PFDN4: variants seen among roughly 807,000 people sequenced by gnomAD.
The protein encoded by PFDN4 is prefoldin 4.
PFDN4 carries 6 observed loss-of-function variants against 17.6 expected under a neutral mutation model. The ratio of observed to expected loss-of-function variants is 0.34; its 90% CI spans 0.19 to 0.67. The LOEUF is 0.67. Among genes scored for constraint, PFDN4 ranks in the 30% least tolerant of loss-of-function variants. PFDN4 has a pLI of 0.68. For missense variants in PFDN4, 119 were observed against 158.4 expected (o/e 0.75, Z 1.33); for synonymous variants, 48 against 51.1 (o/e 0.94, Z 0.26).
At chr20:54,216,648 A>T (rs1369697379) in intron 3 of PFDN4, among the ~76,000 whole-genome samples, 2 of 149,540 alleles carry the variant, frequency 1.3e-5, no homozygotes, top group Admixed American at 1.3e-4. Context: ...ATTTTATTTT[A>T]TTTATTTATT....
Position 54,219,218 on chromosome 20 carries a change from C to T in PFDN4, c.*68C>T. 2.0e-6 allele frequency: 2 copies of T among 998,520 alleles called. No individual in the cohort carries two copies. Among genetic ancestry groups the T allele is most frequent in the East Asian group, 3.1e-5 (1 of 31,940 alleles). 61.9% of individuals were successfully genotyped at this position (998,520 alleles called of 1,614,324 possible). On this transcript the variant is annotated 3_prime_UTR_variant, in exon 4 of 4. Coordinates refer to ENST00000371419, the MANE Select transcript of PFDN4 (RefSeq NM_002623.4). ...ATTGTTTAAAATGATAATTTTCCTTCTTCAAATGACATGGAAAGCAAAACT... is the reference window on the plus strand; with the variant it reads ...ATTGTTTAAAATGATAATTTTCCTTTTTCAAATGACATGGAAAGCAAAACT...
At chr20:54,216,302 C>T (rs1183416384) in intron 3 of PFDN4, among the ~76,000 whole-genome samples, 1 of 152,134 alleles carries the variant, frequency 6.6e-6, no homozygotes, top group African/African-American at 2.4e-5. Context: ...AAGCAGATGG[C>T]AATTAAACCT....
chr20:54,208,233 C>T, intron 1 of PFDN4, 109 bp downstream of exon 1: 1 of 1,057,678 alleles, frequency 9.5e-7, no homozygotes, highest in Non-Finnish European at 1.3e-6. Flanking sequence ...CGGCGTGGGA[C>T]CCGAGGCCGA....
intron 2 of PFDN4, 45 bp from the exon 3 acceptor site, chr20:54,215,255 T>G: frequency 6.7e-7 from 1 of 1,484,020 alleles, no homozygotes; most frequent in South Asian, 1.3e-5. Context: ...TTAGCTTCTA[T>G]CAGAGAACTT....
In PFDN4 at chr20:54,219,283, C is replaced by T; in HGVS notation, c.*133C>T. 1 of 550,336 alleles carries T rather than the reference C, an allele frequency of 1.8e-6. No homozygotes were observed. The highest frequency in any genetic ancestry group is 3.1e-6 in the Non-Finnish European group (1 of 319,616). The allele number at this position is 550,336 out of a possible 1,614,324, so 34.1% of individuals were successfully genotyped here. On this transcript the variant is annotated 3_prime_UTR_variant, in exon 4 of 4. Transcript: ENST00000371419. ...TTTTCATTTATTTAATGGAAACTTG[C>T]CCATTTTCACATGTCTGCTTATTTA... is the stretch of plus-strand genomic sequence containing the variant.
Position 54,219,662 on chromosome 20 carries a change from A to AT in PFDN4, c.*512_*513insT. The AT allele has an allele frequency of 2.5e-6, 1 of 397,662 alleles. No homozygotes were observed. 24.6% of individuals were successfully genotyped at this position (397,662 alleles called of 1,614,324 possible). The stretch of plus-strand genomic sequence containing the variant: ...TATTATATTTAAACATACATATTTA[A>AT]CATTTTTTACATATCTATCAATATC... On this transcript the variant is annotated 3_prime_UTR_variant, in exon 4 of 4. Coordinates refer to ENST00000371419, the MANE Select transcript of PFDN4 (RefSeq NM_002623.4).
Position 54,219,166 on chromosome 20 carries a change from T to A in PFDN4, c.*16T>A. On this transcript the variant is annotated 3_prime_UTR_variant, in exon 4 of 4. Transcript: ENST00000371419. ...TGAAAGTTAAACATTTTATAATACT[T>A]TTTTTATTTGTTTAATAAACTTGAA... 1.4e-6 allele frequency: 2 copies of A among 1,396,228 alleles called. No individual in the cohort carries two copies. Among genetic ancestry groups the A allele is most frequent in the Non-Finnish European group, 1.9e-6 (2 of 1,041,566 alleles). The allele number at this position is 1,396,228 out of a possible 1,614,324, so 86.5% of individuals were successfully genotyped here. A position where few individuals can be genotyped will look rare whatever the true frequency, so the allele number is the denominator to read the frequency against.
Position 54,215,353 on chromosome 20 carries a change from T to C in PFDN4, c.186T>C (p.Asp62=), listed in dbSNP as rs2092761201. ...DACDDIMLAD[D]DCLMIPYQIG... Reference sequence around the variant, plus strand: ...GTGATGACATCATGCTTGCAGATGATGATTGCTTAATGATACCTTATCAAA... The same window carrying C: ...GTGATGACATCATGCTTGCAGATGACGATTGCTTAATGATACCTTATCAAA... The change falls in exon 3 of 4, where the codon GAT becomes GAC. Residue 62 remains aspartate, a synonymous_variant. Coordinates refer to ENST00000371419, the MANE Select transcript of PFDN4 (RefSeq NM_002623.4). 2 of 1,604,220 alleles carry C rather than the reference T, an allele frequency of 1.2e-6. No individual in the cohort carries two copies. The highest frequency in any genetic ancestry group is 1.7e-6 in the Non-Finnish European group (2 of 1,172,978).
In PFDN4 at chr20:54,219,932, A is replaced by T. The variant is rs2092767562; in HGVS notation, c.*782A>T. 1 of 387,604 alleles carries T rather than the reference A, an allele frequency of 2.6e-6. No individual in the cohort carries two copies. Among genetic ancestry groups the T allele is most frequent in the Admixed American group, 4.5e-5 (1 of 22,456 alleles). 24.0% of individuals were successfully genotyped at this position (387,604 alleles called of 1,614,324 possible). On this transcript the variant is annotated 3_prime_UTR_variant, in exon 4 of 4. Transcript: ENST00000371419. ...TGTAAAAGTAAGGCTTATTTCTTAA[A>T]TAAAGGATGCATTTCTTCCCACTCC... is the stretch of plus-strand genomic sequence containing the variant.
intron 3 of PFDN4, among the ~76,000 whole-genome samples, chr20:54,218,294 T>G (rs917278847): frequency 1.3e-5 from 2 of 151,544 alleles, no homozygotes; most frequent in Non-Finnish European, 2.9e-5. Context: ...TATCTATAGA[T>G]AGGTAGGTAG....
intron 1 of PFDN4, among the ~76,000 whole-genome samples, chr20:54,210,482 G>A (rs146702468): frequency 6.6e-5 from 10 of 152,302 alleles, no homozygotes; most frequent in Admixed American, 5.9e-4. Flanking sequence ...AGTACTTTAC[G>A]TTTGTAACAC....
intron 1 of PFDN4, among the ~76,000 whole-genome samples, chr20:54,210,691 C>G (rs1421232275): frequency 6.6e-6 from 1 of 152,170 alleles, no homozygotes; most frequent in African/African-American, 2.4e-5. Context: ...TCTAAAGAAG[C>G]CTCCTTCACT....
At chr20:54,210,959 C>T (rs2092755004) in intron 1 of PFDN4, among the ~76,000 whole-genome samples, 1 of 152,164 alleles carries the variant, frequency 6.6e-6, no homozygotes, top group Non-Finnish European at 1.5e-5. Context: ...ATGGCGTTTG[C>T]CTATAATCCC....
At chr20:54,218,765 A>G (rs759607015) in intron 3 of PFDN4, among the ~76,000 whole-genome samples, 14 of 152,254 alleles carry the variant, frequency 9.2e-5, no homozygotes, top group Non-Finnish European at 1.5e-5. Flanking sequence ...TAATTTAGAC[A>G]GTAATTTTTT....
chr20:54,215,514 T>C, intron 3 of PFDN4, 74 bp downstream of exon 3: 1 of 919,650 alleles, frequency 1.1e-6, no homozygotes, highest in East Asian at 2.7e-5. Flanking sequence ...TGTAGGGAAA[T>C]AGTAGATGCT....
At chr20:54,208,220 G>A in intron 1 of PFDN4, 96 bp downstream of exon 1, 3 of 1,169,440 alleles carry the variant, frequency 2.6e-6, no homozygotes, top group African/African-American at 1.6e-5. Flanking sequence ...CAGCTCCGAA[G>A]CCCGGCGTGG....
chr20:54,217,673 T>G (rs186951394), intron 3 of PFDN4, among the ~76,000 whole-genome samples: 1 of 152,288 alleles, frequency 6.6e-6, no homozygotes, highest in Non-Finnish European at 1.5e-5. Context: ...AGAGGAGCCT[T>G]CAGAGATTTT....
Position 54,219,635 on chromosome 20 carries a change from C to A in PFDN4, c.*485C>A, listed in dbSNP as rs1361905789. ...ATATATTTTATTTAAATATATGTTA[C>A]ATATTATATTTAAACATACATATTT... is the stretch of plus-strand genomic sequence containing the variant. On this transcript the variant is annotated 3_prime_UTR_variant, in exon 4 of 4. Coordinates refer to ENST00000371419, the MANE Select transcript of PFDN4 (RefSeq NM_002623.4). 5 of 395,776 alleles carry A rather than the reference C, an allele frequency of 1.3e-5. No individual in the cohort carries two copies. In the East Asian group the frequency reaches 1.8e-4, roughly 14 times the overall value. 24.5% of individuals were successfully genotyped at this position (395,776 alleles called of 1,614,324 possible).
intron 1 of PFDN4, among the ~76,000 whole-genome samples, chr20:54,212,911 C>G (rs757400331): frequency 6.6e-6 from 1 of 152,242 alleles, no homozygotes; most frequent in Non-Finnish European, 1.5e-5. Context: ...CAAAGCTAGA[C>G]ATAGTGTGAT....
Sources: allele counts gnomAD v4.1 joint callset (sites outside exome capture counted in the v4.1 genomes callset), GRCh38; gene constraint gnomAD v4.1.1; transcripts MANE v1.5; gene names NCBI Gene and HGNC (gene_info 2026-07-23, HGNC 2026-07-21).